NRG3: variants seen among roughly 807,000 people sequenced by gnomAD.
NRG3 encodes pro-neuregulin-3, membrane-bound isoform.
Under a neutral mutation model 66.9 loss-of-function variants are expected in NRG3, and 31 were observed. The ratio of observed to expected loss-of-function variants is 0.46; its 90% CI spans 0.35 to 0.63. The LOEUF is 0.63. Among genes scored for constraint, NRG3 ranks in the 20% least tolerant of loss-of-function variants. The pLI is 0.00. For missense variants in NRG3, 910 were observed against 878.9 expected (o/e 1.04, Z -0.45); for synonymous variants, 393 against 359.4 (o/e 1.09, Z -1.06).
chr10:82,755,376 G>A (rs1371235839), intron 3 of NRG3, among the ~76,000 whole-genome samples: 3 of 151,990 alleles, frequency 2.0e-5, no homozygotes, highest in South Asian at 2.1e-4. Flanking sequence ...AACCTCAAAA[G>A]GATCTACCAT....
At chr10:81,938,643 A>G (rs2347328) in intron 1 of NRG3, among the ~76,000 whole-genome samples, 1,963 of 145,746 alleles carry the variant, frequency 0.013, 22 homozygotes, top group African/African-American at 0.032. Context: ...GTGTGTGTGC[A>G]TGCATGCATG....
At chr10:82,692,833 C>T (rs1278914393) in intron 2 of NRG3, among the ~76,000 whole-genome samples, 1 of 149,266 alleles carries the variant, frequency 6.7e-6, no homozygotes. Context: ...CTGCCTCTAT[C>T]AATATCTTGA....
intron 1 of NRG3, among the ~76,000 whole-genome samples, chr10:81,955,706 G>A (rs1054329721): frequency 6.6e-6 from 1 of 152,156 alleles, no homozygotes; most frequent in Non-Finnish European, 1.5e-5. Context: ...GTGATCCTGA[G>A]TGTAGCCCTG....
rs2295933 is a variant in NRG3, at chr10:82,985,500, C to A, written c.1986C>A (p.Ser662Arg). The change falls in exon 9 of 9, where the codon AGC becomes AGA. Residue 662 changes from serine (S) to arginine (R), a missense_variant. Coordinates refer to ENST00000372141, the MANE Select transcript of NRG3 (RefSeq NM_001010848.4). ...LASVETEDSA[S>R]ENTAFLPLSP... ...GCGTAGAAACCGAGGACAGTGCAAG[C>A]GAAAACACAGCCTTTCTCCCCCTGA... The A allele has an allele frequency of 6.2e-7, 1 of 1,613,580 alleles. No homozygotes were observed. The highest frequency in any genetic ancestry group is 1.3e-5 in the African/African-American group (1 of 74,880).
chr10:82,667,274 C>T (rs560322495), intron 2 of NRG3, among the ~76,000 whole-genome samples: 1 of 152,278 alleles, frequency 6.6e-6, no homozygotes, highest in Non-Finnish European at 1.5e-5. Flanking sequence ...CTGAAACAGG[C>T]ACCACCCTGA....
chr10:82,461,160 T>G (rs1057406166), intron 2 of NRG3, among the ~76,000 whole-genome samples: 3 of 151,606 alleles, frequency 2.0e-5, no homozygotes, highest in African/African-American at 4.9e-5. Flanking sequence ...ATGATCAGTA[T>G]CACCACCACT....
rs182787195 is a variant in NRG3 at position 82,159,315 on chromosome 10, T to C, written c.824-199424T>C. 4.7e-4 allele frequency among the ~76,000 whole-genome samples: 71 copies of C among 152,016 alleles called. 1 individual carries two copies. The highest frequency in any genetic ancestry group is 1.7e-3 in the African/African-American group (71 of 41,550). On this transcript the variant is annotated intron_variant, in intron 1 of 8. Transcript: ENST00000372141. ...TCCAACCTCCTGACCACTCCAACAC[T>C]ATCTTCCTTCACTCTCTCAGCACTC...
intron 2 of NRG3, among the ~76,000 whole-genome samples, chr10:82,518,515 T>C (rs1845902252): frequency 6.6e-6 from 1 of 152,194 alleles, no homozygotes; most frequent in Non-Finnish European, 1.5e-5. Flanking sequence ...TACACACATA[T>C]TAGTCATTTG....
At chr10:82,297,310 T>C (rs949752243) in intron 1 of NRG3, among the ~76,000 whole-genome samples, 1 of 152,128 alleles carries the variant, frequency 6.6e-6, no homozygotes, top group Admixed American at 6.6e-5. Flanking sequence ...AGTAGTAGGA[T>C]TGCTGGGTCA....
At chr10:82,695,948 G>T (rs2055348427) in intron 2 of NRG3, among the ~76,000 whole-genome samples, 1 of 152,012 alleles carries the variant, frequency 6.6e-6, no homozygotes, top group South Asian at 2.1e-4. Flanking sequence ...TCCATCTGTG[G>T]TCCAAGATGA....
chr10:81,897,038 A>G (rs2132616394), intron 1 of NRG3, among the ~76,000 whole-genome samples: 1 of 151,858 alleles, frequency 6.6e-6, no homozygotes, highest in South Asian at 2.1e-4. Context: ...TCGGGAGGCC[A>G]CAGCTGAGGT....
At chr10:82,460,206 G>A (rs987003752) in intron 2 of NRG3, among the ~76,000 whole-genome samples, 12 of 152,152 alleles carry the variant, frequency 7.9e-5, no homozygotes, top group Admixed American at 7.9e-4. Context: ...GGACTGAGTT[G>A]GTACATTGGG....
chr10:82,489,948 A>G (rs1842961949), intron 2 of NRG3, among the ~76,000 whole-genome samples: 1 of 152,128 alleles, frequency 6.6e-6, no homozygotes, highest in Admixed American at 6.5e-5. Context: ...ACTGAAAGTC[A>G]TTTTCAACCT....
At chr10:81,963,155 A>G in intron 1 of NRG3, among the ~76,000 whole-genome samples, 1 of 55,538 alleles carries the variant, frequency 1.8e-5, no homozygotes, top group Non-Finnish European at 3.0e-5. Context: ...TTTTTTTGAG[A>G]CGGAGTCTCG....
rs2067969903 is a variant in NRG3, at chr10:82,119,801, A to G, written c.824-238938A>G. ...CCATGTTGAGAAAGAGTGAAAATAA[A>G]GTTTTATGTGTTACAGTATTTCTAA... On this transcript the variant is annotated intron_variant, in intron 1 of 8. Coordinates refer to ENST00000372141, the MANE Select transcript of NRG3 (RefSeq NM_001010848.4). Among the ~76,000 whole-genome samples, 3 of 152,198 alleles carry G rather than the reference A, an allele frequency of 2.0e-5. No homozygotes were observed. In the South Asian group the frequency reaches 6.2e-4, roughly 32 times the overall value.
intron 2 of NRG3, among the ~76,000 whole-genome samples, chr10:82,484,106 A>G (rs1564975863): frequency 6.6e-6 from 1 of 152,196 alleles, no homozygotes; most frequent in African/African-American, 2.4e-5. Flanking sequence ...CAGTGTAATG[A>G]TTTAAAACAG....
intron 1 of NRG3, among the ~76,000 whole-genome samples, chr10:82,329,834 C>T (rs1354153461): frequency 6.6e-6 from 1 of 152,110 alleles, no homozygotes; most frequent in Non-Finnish European, 1.5e-5. Flanking sequence ...TCAGGAAGGC[C>T]ACGCTCTAGG....
chr10:82,575,012 A>T (rs758985190), intron 2 of NRG3, among the ~76,000 whole-genome samples: 12 of 151,764 alleles, frequency 7.9e-5, no homozygotes, highest in Non-Finnish European at 1.3e-4. Context: ...ATTGTGCAAC[A>T]GGGTGCCTAT....
chr10:82,208,478 C>G (rs574633924), intron 1 of NRG3, among the ~76,000 whole-genome samples: 1 of 152,226 alleles, frequency 6.6e-6, no homozygotes, highest in East Asian at 1.9e-4. Flanking sequence ...ATTCCCATAA[C>G]CATATGTTTT....
Sources: allele counts gnomAD v4.1 joint callset (sites outside exome capture counted in the v4.1 genomes callset), GRCh38; gene constraint gnomAD v4.1.1; transcripts MANE v1.5; gene names NCBI Gene and HGNC (gene_info 2026-07-23, HGNC 2026-07-21).